Variants in DRC11 observed in about 807,000 individuals in gnomAD.
The protein encoded by DRC11 is dynein regulatory complex subunit 11.
At chr2:236,465,610 T>A in the DRC11 span, 3 of 1,613,822 alleles carry the variant, frequency 1.9e-6, no homozygotes, top group South Asian at 1.1e-5. This position sits in a 1 kb window ranked among gnomAD's most constrained non-coding sequence, Gnocchi z 6.2. Context: ...GGCTTCCCTG[T>A]AGTCCTCTTC....
chr2:236,503,489 T>G, the DRC11 span: 1 of 850,052 alleles, frequency 1.2e-6, no homozygotes. This position sits in a 1 kb window ranked among gnomAD's most constrained non-coding sequence, Gnocchi z 4.9. Flanking sequence ...CCTGGTGGCT[T>G]GAGCCTTCCG....
the DRC11 span, among the ~76,000 whole-genome samples, chr2:236,379,889 A>C: frequency 6.6e-6 from 1 of 151,898 alleles, no homozygotes; most frequent in South Asian, 2.1e-4. Context: ...CGACAGGACC[A>C]AGGGAGAGGG....
chr2:236,451,772 A>C, the DRC11 span, among the ~76,000 whole-genome samples: 1 of 152,114 alleles, frequency 6.6e-6, no homozygotes, highest in Non-Finnish European at 1.5e-5. Context: ...TGAAAATTGT[A>C]TTTTACTGGA....
the DRC11 span, among the ~76,000 whole-genome samples, chr2:236,307,481 C>A: frequency 6.6e-6 from 1 of 152,206 alleles, no homozygotes; most frequent in Non-Finnish European, 1.5e-5. The surrounding 1 kb of genome is among the most constrained non-coding windows in gnomAD (Gnocchi z 7.0). Context: ...TATTTTTAAG[C>A]CTCACAGTGA....
At chr2:236,441,820 G>A in the DRC11 span, among the ~76,000 whole-genome samples, 1 of 152,094 alleles carries the variant, frequency 6.6e-6, no homozygotes, top group African/African-American at 2.4e-5. Flanking sequence ...GTTTAAAATG[G>A]CCCTTAAAAA....
At chr2:236,486,051 C>G in the DRC11 span, among the ~76,000 whole-genome samples, 9 of 152,328 alleles carry the variant, frequency 5.9e-5, no homozygotes, top group South Asian at 1.9e-3. This position sits in a 1 kb window ranked among gnomAD's most constrained non-coding sequence, Gnocchi z 5.7. Context: ...TGATCATTTG[C>G]ATAAGATTCT....
At chr2:236,366,555 A>G in the DRC11 span, among the ~76,000 whole-genome samples, 4 of 151,332 alleles carry the variant, frequency 2.6e-5, no homozygotes. Context: ...TCTCCGGAGG[A>G]CCTCATAGCC....
At chr2:236,460,706 C>T in the DRC11 span, among the ~76,000 whole-genome samples, 2 of 152,100 alleles carry the variant, frequency 1.3e-5, no homozygotes, top group Non-Finnish European at 2.9e-5. The surrounding 1 kb of genome is among the most constrained non-coding windows in gnomAD (Gnocchi z 4.0). Flanking sequence ...CTGACAGTTT[C>T]TAGTGTATCC....
chr2:236,378,232 T>A, the DRC11 span, among the ~76,000 whole-genome samples: 9 of 152,294 alleles, frequency 5.9e-5, no homozygotes, highest in East Asian at 1.7e-3. Context: ...TTTAGTGGAA[T>A]TTAGGATAGC....
the DRC11 span, among the ~76,000 whole-genome samples, chr2:236,323,125 A>G: frequency 6.6e-6 from 1 of 152,208 alleles, no homozygotes; most frequent in Non-Finnish European, 1.5e-5. This position sits in a 1 kb window ranked among gnomAD's most constrained non-coding sequence, Gnocchi z 6.4. Context: ...CATAGTTTTC[A>G]TTTCTTTGCA....
the DRC11 span, among the ~76,000 whole-genome samples, chr2:236,492,794 C>T: frequency 6.6e-6 from 1 of 152,164 alleles, no homozygotes; most frequent in Non-Finnish European, 1.5e-5. Context: ...CTGCAAGAAT[C>T]CAGGAGGTGG....
At chr2:236,415,017 T>A in the DRC11 span, among the ~76,000 whole-genome samples, 5 of 152,136 alleles carry the variant, frequency 3.3e-5, no homozygotes, top group Non-Finnish European at 5.9e-5. This position sits in a 1 kb window ranked among gnomAD's most constrained non-coding sequence, Gnocchi z 5.7. Context: ...TTATAATAGA[T>A]TTTTTCATAT....
At chr2:236,364,923 A>G in the DRC11 span, among the ~76,000 whole-genome samples, 10 of 152,226 alleles carry the variant, frequency 6.6e-5, no homozygotes, top group Non-Finnish European at 1.3e-4. Context: ...CATTCTCCAC[A>G]TAAACTTGGA....
chr2:236,380,733 G>T, the DRC11 span: 1 of 880,312 alleles, frequency 1.1e-6, no homozygotes, highest in Non-Finnish European at 1.8e-6. The surrounding 1 kb of genome is among the most constrained non-coding windows in gnomAD (Gnocchi z 4.9). Context: ...GGGGGTGGTG[G>T]GAGGTGGAAA....
At chr2:236,377,472 A>C in the DRC11 span, among the ~76,000 whole-genome samples, 1 of 152,330 alleles carries the variant, frequency 6.6e-6, no homozygotes, top group South Asian at 2.1e-4. The surrounding 1 kb of genome is among the most constrained non-coding windows in gnomAD (Gnocchi z 4.9). Flanking sequence ...CTGCCCTTCC[A>C]TCAGTCTTCA....
At chr2:236,342,063 G>A in the DRC11 span, among the ~76,000 whole-genome samples, 1 of 152,320 alleles carries the variant, frequency 6.6e-6, no homozygotes, top group African/African-American at 2.4e-5. This position sits in a 1 kb window ranked among gnomAD's most constrained non-coding sequence, Gnocchi z 5.8. Context: ...ATCCCCGGGT[G>A]AGCTTCCTGC....
chr2:236,335,074 C>T, the DRC11 span, among the ~76,000 whole-genome samples: 2 of 152,162 alleles, frequency 1.3e-5, no homozygotes, highest in Non-Finnish European at 1.5e-5. This position sits in a 1 kb window ranked among gnomAD's most constrained non-coding sequence, Gnocchi z 5.6. Context: ...CAAATCCACC[C>T]TTCACTTTTC....
chr2:236,310,746 T>C, the DRC11 span, among the ~76,000 whole-genome samples: 2 of 152,212 alleles, frequency 1.3e-5, no homozygotes, highest in African/African-American at 4.8e-5. This position sits in a 1 kb window ranked among gnomAD's most constrained non-coding sequence, Gnocchi z 5.5. Context: ...GAAATACTAA[T>C]GTCACAGGAC....
the DRC11 span, among the ~76,000 whole-genome samples, chr2:236,450,314 C>CTTTTTTTTTTTTTTTTT: frequency 3.6e-3 from 298 of 82,342 alleles, no homozygotes; most frequent in Middle Eastern, 0.013. Context: ...CTTTTCTTTT[C>CTTTTTTTTTTTTTTTTT]TTTTTTTTTT....
Sources: gnomAD v4.1 joint callset for allele counts (sites outside exome capture counted in the v4.1 genomes callset) on GRCh38, gnomAD v4.1.1 for gene constraint, Gnocchi (gnomAD v3.1) non-coding constraint, MANE v1.5 for transcripts, NCBI Gene and HGNC (gene_info 2026-07-23, HGNC 2026-07-21) for gene names.